MYSM1: variants seen among roughly 807,000 people sequenced by gnomAD.
MYSM1 encodes the protein Myb like, SWIRM and MPN domains 1, also known as deubiquitinase MYSM1.
MYSM1 carries 51 observed loss-of-function variants against 116.0 expected under a neutral mutation model. The observed-to-expected ratio is 0.44, with a 90% CI of 0.35 to 0.56. The LOEUF is 0.56. Among genes scored for constraint, MYSM1 ranks in the 20% least tolerant of loss-of-function variants. The pLI, the probability that MYSM1 is intolerant of heterozygous loss-of-function variation, is 0.00. For synonymous variants in MYSM1, 313 were observed against 315.2 expected (o/e 0.99, Z 0.07); for missense variants, 900 against 974.9 (o/e 0.92, Z 1.02).
Position 58,664,504 on chromosome 1 carries a change from C to T in MYSM1, c.2164+995G>A, listed in dbSNP as rs779137455. ...TAGGACTTGCTAAATAGATAAATTG[C>T]ATTAAAAGACAAAGTGACCATGAAG... On this transcript the variant is annotated intron_variant, in intron 17 of 19. Transcript: ENST00000472487. Among the ~76,000 whole-genome samples the T allele has an allele frequency of 6.6e-5, 10 of 152,252 alleles. No individual in the cohort carries two copies. In the South Asian group the frequency reaches 1.2e-3, roughly 19 times the overall value.
intron 10 of MYSM1, 75 bp downstream of exon 10, chr1:58,675,402 A>C (rs984817318): frequency 2.2e-5 from 23 of 1,041,188 alleles, no homozygotes; most frequent in Non-Finnish European, 2.8e-5. Context: ...TAAACAGCTC[A>C]AGGTAAGTAC....
intron 6 of MYSM1, among the ~76,000 whole-genome samples, chr1:58,688,799 G>A (rs1036609988): frequency 1.3e-5 from 2 of 151,952 alleles, no homozygotes; most frequent in African/African-American, 2.4e-5. Context: ...AATACCACAA[G>A]AACGTGAAAA....
Position 58,657,174 on chromosome 1 carries a change from C to G in MYSM1, c.*2823G>C, listed in dbSNP as rs917237758. 2.0e-5 allele frequency: 3 copies of G among 150,252 alleles called. No homozygotes were observed. The highest frequency in any genetic ancestry group is 4.4e-5 in the Non-Finnish European group (3 of 67,834). 9.3% of individuals were successfully genotyped at this position (150,252 alleles called of 1,614,324 possible). ...CTGGTTTTTCTTTTCTTGAATGTTA[C>G]TTTGGAATTAGATTAAGTCTAATAC... On this transcript the variant is annotated 3_prime_UTR_variant, in exon 20 of 20. Transcript: ENST00000472487.
At chr1:58,674,867 C>T (rs1307129318) in intron 10 of MYSM1, among the ~76,000 whole-genome samples, 1 of 147,318 alleles carries the variant, frequency 6.8e-6, no homozygotes, top group Non-Finnish European at 1.5e-5. Context: ...ATGGAGCTTG[C>T]AGTGAGCCGA....
chr1:58,667,333 T>C, intron 15 of MYSM1, 107 bp from the exon 16 acceptor site: 4 of 776,094 alleles, frequency 5.2e-6, no homozygotes, highest in Non-Finnish European at 5.5e-6. Context: ...GCCAAGACTT[T>C]TATTTAACAA....
At chr1:58,699,572 G>C in intron 1 of MYSM1, 3 of 951,886 alleles carry the variant, frequency 3.2e-6, no homozygotes, top group Non-Finnish European at 3.8e-6. Flanking sequence ...GGGATGAAAC[G>C]ACTCGCCCAA....
rs1397048930 is a variant in MYSM1 at position 58,657,862 on chromosome 1, G to C, written c.*2135C>G. The C allele has an allele frequency of 6.6e-6, 1 of 152,064 alleles. No individual in the cohort carries two copies. Among genetic ancestry groups the C allele is most frequent in the East Asian group, 1.9e-4 (1 of 5,198 alleles). 9.4% of individuals were successfully genotyped at this position (152,064 alleles called of 1,614,324 possible). The stretch of plus-strand genomic sequence containing the variant: ...GATTAGCAAATATGGTTAAACATTG[G>C]CACACAGGGCAAGGAGACTCAGATT... On this transcript the variant is annotated 3_prime_UTR_variant, in exon 20 of 20. Coordinates refer to ENST00000472487, the MANE Select transcript of MYSM1 (RefSeq NM_001085487.3).
intron 15 of MYSM1, 23 bp downstream of exon 15, chr1:58,667,824 T>C: frequency 6.8e-7 from 1 of 1,469,592 alleles, no homozygotes. Context: ...AACTAAAACA[T>C]TTTTTTAAAA....
intron 9 of MYSM1, 32 bp from the exon 10 acceptor site, chr1:58,675,612 A>C: frequency 6.4e-7 from 1 of 1,558,060 alleles, no homozygotes; most frequent in Non-Finnish European, 8.8e-7. Context: ...AAAACCATCT[A>C]TTATTTTGTG....
At chr1:58,668,801 C>T (rs577669266) in intron 13 of MYSM1, 119 bp from the exon 14 acceptor site, 2 of 1,019,518 alleles carry the variant, frequency 2.0e-6, no homozygotes, top group African/African-American at 1.6e-5. Context: ...CAGCACTAAC[C>T]AAAGCTCAGC....
chr1:58,668,404 A>G, intron 14 of MYSM1: 1 of 1,269,018 alleles, frequency 7.9e-7, no homozygotes, highest in African/African-American at 1.6e-5. Flanking sequence ...AGGGTTAATG[A>G]TGGTAAACAG....
chr1:58,668,543 C>A, intron 14 of MYSM1, 89 bp downstream of exon 14: 1 of 1,445,796 alleles, frequency 6.9e-7, no homozygotes, highest in Non-Finnish European at 9.1e-7. Context: ...CCAAAATACA[C>A]GTCTTCCATA....
intron 9 of MYSM1, among the ~76,000 whole-genome samples, chr1:58,676,217 G>C (rs1187546183): frequency 2.0e-5 from 3 of 151,324 alleles, no homozygotes; most frequent in African/African-American, 4.9e-5. Context: ...AGGAGTTCGA[G>C]ACCAGCCTGG....
intron 6 of MYSM1, among the ~76,000 whole-genome samples, chr1:58,688,695 CAA>C (rs5774422): frequency 0.019 from 2,802 of 149,196 alleles, 87 homozygotes; most frequent in African/African-American, 0.064. Flanking sequence ...TATTTTATTT[CAA>C]AAAAAAAAAG....
intron 5 of MYSM1, 69 bp downstream of exon 5, chr1:58,690,157 A>T (rs1459295424): frequency 8.4e-6 from 10 of 1,185,836 alleles, no homozygotes; most frequent in South Asian, 6.6e-5. Flanking sequence ...AACTATAATT[A>T]AAAAAAAATT....
intron 12 of MYSM1, among the ~76,000 whole-genome samples, chr1:58,669,494 G>A (rs1428919712): frequency 6.6e-6 from 1 of 152,132 alleles, no homozygotes; most frequent in Non-Finnish European, 1.5e-5. Flanking sequence ...AACAGTTCTG[G>A]TAAAGATATT....
chr1:58,675,413 G>T, intron 10 of MYSM1, 64 bp downstream of exon 10: 1 of 1,219,564 alleles, frequency 8.2e-7, no homozygotes, highest in Non-Finnish European at 1.2e-6. Flanking sequence ...AGGTAAGTAC[G>T]TAAACCACAC....
rs1433519103 is a variant in MYSM1 at position 58,655,239 on chromosome 1, A to T, written c.*4758T>A. ...AATACATGTTTCACAGTAATCTATGAAACAGGAATATAAACTATGAAAACA... is the reference window on the plus strand; with the variant it reads ...AATACATGTTTCACAGTAATCTATGTAACAGGAATATAAACTATGAAAACA... On this transcript the variant is annotated 3_prime_UTR_variant, in exon 20 of 20. Transcript: ENST00000472487. The T allele has an allele frequency of 1.3e-5, 2 of 152,204 alleles. No homozygotes were observed. Among genetic ancestry groups the T allele is most frequent in the Admixed American group, 1.3e-4 (2 of 15,274 alleles). 9.4% of individuals were successfully genotyped at this position (152,204 alleles called of 1,614,324 possible).
intron 12 of MYSM1, among the ~76,000 whole-genome samples, chr1:58,670,234 A>G (rs1644540156): frequency 6.6e-6 from 1 of 152,232 alleles, no homozygotes; most frequent in Non-Finnish European, 1.5e-5. Flanking sequence ...AATCAACACA[A>G]AAAGAAACTG....
Sources: allele counts gnomAD v4.1 joint callset (sites outside exome capture counted in the v4.1 genomes callset), GRCh38; gene constraint gnomAD v4.1.1; transcripts MANE v1.5; gene names NCBI Gene and HGNC (gene_info 2026-07-23, HGNC 2026-07-21).